SAFB2: variants seen among roughly 807,000 people sequenced by gnomAD.
SAFB2 encodes scaffold attachment factor B2.
Under a neutral mutation model 100.6 loss-of-function variants are expected in SAFB2, and 32 were observed. The ratio of observed to expected loss-of-function variants is 0.32; its 90% CI spans 0.24 to 0.43. SAFB2 has a LOEUF of 0.43. SAFB2 is among the 20% of genes least tolerant of loss of function. The pLI is 1.00. For synonymous variants in SAFB2, 500 were observed against 439.4 expected, an observed-to-expected ratio of 1.14 and a Z score of -1.72; for missense variants, 1,185 against 1,163.4, an observed-to-expected ratio of 1.02 and a Z score of -0.27.
chr19:5,590,205 T>C (rs974511978), intron 18 of SAFB2, 73 bp downstream of exon 18: 9 of 1,337,138 alleles, frequency 6.7e-6, no homozygotes, highest in Middle Eastern at 1.9e-4. Context: ...CTTGGGGACG[T>C]GCCTGGCCAG....
chr19:5,605,442 A>G (rs533724293), intron 9 of SAFB2, among the ~76,000 whole-genome samples: 2 of 152,320 alleles, frequency 1.3e-5, no homozygotes, highest in South Asian at 4.1e-4. Context: ...ATAAGTCATC[A>G]CAAGGAAAAC....
chr19:5,602,646 A>G (rs1461787036), intron 11 of SAFB2, among the ~76,000 whole-genome samples: 1 of 152,112 alleles, frequency 6.6e-6, no homozygotes, highest in African/African-American at 2.4e-5. Flanking sequence ...ACATAGAGCA[A>G]GTGCCTCACA....
At chr19:5,618,512 G>A (rs1016554564) in intron 2 of SAFB2, among the ~76,000 whole-genome samples, 2 of 152,202 alleles carry the variant, frequency 1.3e-5, no homozygotes, top group Non-Finnish European at 2.9e-5. Context: ...CATTTAAGAC[G>A]CCTAACAACG....
intron 11 of SAFB2, among the ~76,000 whole-genome samples, chr19:5,601,551 A>C (rs1273753218): frequency 6.6e-6 from 1 of 152,122 alleles, no homozygotes; most frequent in Non-Finnish European, 1.5e-5. Flanking sequence ...TCTACTAAAA[A>C]TACAAAAAAA....
intron 2 of SAFB2, among the ~76,000 whole-genome samples, chr19:5,620,920 C>T (rs2053126799): frequency 6.6e-6 from 1 of 152,154 alleles, no homozygotes; most frequent in Non-Finnish European, 1.5e-5. Flanking sequence ...AAGCTGAGTT[C>T]TATTCGGTCT....
In SAFB2 at chr19:5,611,428, G is replaced by A. The variant is rs1274654303; in HGVS notation, c.837C>T (p.His279=). 4.1e-5 allele frequency: 15 copies of A among 369,386 alleles called. No individual in the cohort carries two copies. Among genetic ancestry groups the A allele is most frequent in the Admixed American group, 3.1e-4 (5 of 16,238 alleles). The allele number at this position is 369,386 out of a possible 1,614,324, so 22.9% of individuals were successfully genotyped here. The change falls in exon 7 of 21, where the codon CAC becomes CAT. Residue 279 remains histidine, a synonymous_variant. Coordinates refer to ENST00000252542, the MANE Select transcript of SAFB2 (RefSeq NM_014649.3). ...GGCTGTCTGCCTTGCTCGACTGAGC[G>A]TGTGCTGTTGACTCGCTGGCCAAAT... ...DLDLASESTA[H]AQSSKADSLL... is the part of the protein sequence containing the mutation.
rs775841520 is a variant in SAFB2, at chr19:5,594,003, T to A, written c.2095A>T (p.Arg699Trp). 2 of 1,561,354 alleles carry A rather than the reference T, an allele frequency of 1.3e-6. No homozygotes were observed. The highest frequency in any genetic ancestry group is 2.4e-5 in the East Asian group (1 of 42,468). ...RERMRVERER[R>W]KEQERIHRER... ...CGGTGGATGCGCTCCTGCTCCTTCC[T>A]GCGCTCACGCTCCACGCGCATGCGC... is the stretch of plus-strand genomic sequence containing the variant. Residue 699 changes from arginine to tryptophan, a missense_variant, in exon 15 of 21, where the codon AGG (arginine) becomes TGG (tryptophan). Physicochemically the swap from Arg to Trp is moderately radical, Grantham distance 101 (BLOSUM62 -3). This residue lies in a region of SAFB2 where 740 missense variants were observed against 687.1 expected (regional missense o/e 1.08). Transcript: ENST00000252542.
chr19:5,595,146 G>A (rs1287141479), intron 14 of SAFB2, among the ~76,000 whole-genome samples: 2 of 152,168 alleles, frequency 1.3e-5, no homozygotes, highest in Non-Finnish European at 2.9e-5. Context: ...ACTGCACCTG[G>A]CCCTTTGATG....
At chr19:5,595,015 A>G (rs1396235856) in intron 14 of SAFB2, among the ~76,000 whole-genome samples, 1 of 152,024 alleles carries the variant, frequency 6.6e-6, no homozygotes, top group Non-Finnish European at 1.5e-5. Flanking sequence ...TGCCCAGCTA[A>G]TTTTTAAATA....
At chr19:5,618,177 AATAC>A (rs1284857609) in intron 2 of SAFB2, among the ~76,000 whole-genome samples, 2 of 152,154 alleles carry the variant, frequency 1.3e-5, no homozygotes, top group African/African-American at 4.8e-5. Flanking sequence ...AACAGAAAAA[AATAC>A]ATACTTTCCC....
At chr19:5,590,858 C>A (rs189673837) in intron 17 of SAFB2, among the ~76,000 whole-genome samples, 3 of 152,228 alleles carry the variant, frequency 2.0e-5, no homozygotes, top group African/African-American at 7.2e-5. Flanking sequence ...AGGAAGCAGG[C>A]GGGTGCTGCC....
intron 16 of SAFB2, among the ~76,000 whole-genome samples, chr19:5,592,473 A>C (rs2052430949): frequency 6.6e-6 from 1 of 152,202 alleles, no homozygotes; most frequent in African/African-American, 2.4e-5. Context: ...AAGAGAGCTC[A>C]GTGTAGATGG....
At position 5,598,969 on chromosome 19, in the gene SAFB2, T is replaced by A. The variant is rs2052594003; in HGVS notation, c.1691-85A>T. 8.2e-6 allele frequency: 10 copies of A among 1,222,096 alleles called. No homozygotes were observed. In the East Asian group the frequency reaches 2.4e-4, roughly 29 times the overall value. The allele number at this position is 1,222,096 out of a possible 1,614,324, so 75.7% of individuals were successfully genotyped here. ...AACAGCACTCTGATGGACCCTGGGC[T>A]TTTGAACACACAAGGCGTGAGTCAA... On this transcript the variant is annotated intron_variant, in intron 12 of 20. Transcript: ENST00000252542.
In SAFB2 at chr19:5,593,934, C is replaced by A; in HGVS notation, c.2164G>T (p.Glu722Ter). ...CTCCGCCCGGGCCGCCGCTCCTGCT[C>A]GTAACGCAGCTGCTCCTGCTGGCGC... ...LRRQQEQLRYEQERRPGRRPY... is the reference protein window; with the variant it reads ...LRRQQEQLRY The change falls in exon 15 of 21, where the codon GAG becomes TAG. Residue 722 changes from glutamate to a stop codon, truncating the protein, a stop_gained. Transcript: ENST00000252542. LOFTEE classifies it high-confidence loss of function. 1 of 1,550,558 alleles carries A rather than the reference C, an allele frequency of 6.4e-7. No individual in the cohort carries two copies. The highest frequency in any genetic ancestry group is 1.9e-5 in the Admixed American group (1 of 53,392).
chr19:5,596,206 T>C (rs919432910), intron 13 of SAFB2, among the ~76,000 whole-genome samples: 3 of 152,208 alleles, frequency 2.0e-5, no homozygotes, highest in Admixed American at 1.3e-4. Flanking sequence ...GAGGTGGCAG[T>C]GAGCTGAGAT....
chr19:5,620,874 T>A (rs2053126010), intron 2 of SAFB2, among the ~76,000 whole-genome samples: 1 of 152,090 alleles, frequency 6.6e-6, no homozygotes, highest in African/African-American at 2.4e-5. Flanking sequence ...ATAGGCTGAG[T>A]GCAAATACCC....
At chr19:5,607,184 C>T (rs1006203045) in intron 9 of SAFB2, among the ~76,000 whole-genome samples, 2 of 152,134 alleles carry the variant, frequency 1.3e-5, no homozygotes, top group African/African-American at 4.8e-5. Flanking sequence ...TGGCATGAAC[C>T]CAGGAGGCAG....
rs1391194214 is a variant in SAFB2 at position 5,594,120 on chromosome 19, TCTC to T, written c.1975_1977del (p.Glu659del). The T allele has an allele frequency of 2.5e-6, 4 of 1,602,426 alleles. No individual in the cohort carries two copies. The highest frequency in any genetic ancestry group is 1.7e-5 in the Admixed American group (1 of 59,736). On this transcript the variant is annotated inframe_deletion, in exon 15 of 21. Coordinates refer to ENST00000252542, the MANE Select transcript of SAFB2 (RefSeq NM_014649.3). ...AGGCGTTCCCGCTGTAGCCGGGCCT[TCTC>T]CTTCCGCTCATGGAAGGCCTCGAGG...
intron 15 of SAFB2, 128 bp from the exon 16 acceptor site, chr19:5,593,015 G>C: frequency 1.2e-6 from 1 of 813,462 alleles, no homozygotes; most frequent in East Asian, 2.7e-5. Context: ...GTCCTGCAGG[G>C]CTAATCTCTA....
Sources: gnomAD v4.1 joint callset for allele counts (sites outside exome capture counted in the v4.1 genomes callset) on GRCh38, gnomAD v4.1.1 for gene constraint, gnomAD v4.1.1 regional missense constraint, MANE v1.5 for transcripts, NCBI Gene and HGNC (gene_info 2026-07-23, HGNC 2026-07-21) for gene names.